Variants in NELL1 observed in about 807,000 individuals in gnomAD.
The protein encoded by NELL1 is neural EGFL like 1, also known as protein kinase C-binding protein NELL1.
In NELL1, 76 loss-of-function variants were observed where a neutral mutation model predicts 107.4. The ratio of observed to expected loss-of-function variants is 0.71; its 90% CI spans 0.59 to 0.86. NELL1 has a LOEUF of 0.86. NELL1 is among the 40% of genes least tolerant of loss of function. The pLI, the probability that NELL1 is intolerant of heterozygous loss-of-function variation, is 0.00. For missense variants in NELL1, 1,024 were observed against 1,005.5 expected, an observed-to-expected ratio of 1.02 and a Z score of -0.25; for synonymous variants, 353 against 341.2, an observed-to-expected ratio of 1.03 and a Z score of -0.38.
At chr11:21,132,710 G>A (rs1855650792) in intron 13 of NELL1, among the ~76,000 whole-genome samples, 1 of 151,944 alleles carries the variant, frequency 6.6e-6, no homozygotes, top group Non-Finnish European at 1.5e-5. Flanking sequence ...GGCTCGGGGA[G>A]CCCCTAAATC....
At chr11:20,941,446 G>A (rs1239495204) in intron 10 of NELL1, among the ~76,000 whole-genome samples, 1 of 152,208 alleles carries the variant, frequency 6.6e-6, no homozygotes, top group African/African-American at 2.4e-5. Context: ...GAAGTTCAGA[G>A]TTCCTTGCGT....
At chr11:21,327,972 A>G (rs1314432312) in intron 14 of NELL1, among the ~76,000 whole-genome samples, 1 of 152,156 alleles carries the variant, frequency 6.6e-6, no homozygotes, top group Non-Finnish European at 1.5e-5. Context: ...GAAGCAGAGC[A>G]TAAATGTTTG....
chr11:21,469,157 C>T (rs1291674812), intron 15 of NELL1, among the ~76,000 whole-genome samples: 1 of 151,962 alleles, frequency 6.6e-6, no homozygotes. Context: ...ATTTCAGGGG[C>T]CTGCCTACTT....
chr11:20,724,301 A>G (rs1855460297), intron 2 of NELL1, among the ~76,000 whole-genome samples: 1 of 152,202 alleles, frequency 6.6e-6, no homozygotes, highest in Non-Finnish European at 1.5e-5. Context: ...TTTCTACCAC[A>G]TGGTCAGGCT....
chr11:20,894,990 G>GTGTATATGTACCCTTTAACCA (rs1849694754), intron 5 of NELL1, among the ~76,000 whole-genome samples: 3 of 146,036 alleles, frequency 2.1e-5, no homozygotes, highest in Admixed American at 6.7e-5. Context: ...TATTCCCTCT[G>GTGTATATGTACCCTTTAACCA]GCCGGGCGCG....
At chr11:21,425,630 T>C (rs149956141) in intron 15 of NELL1, among the ~76,000 whole-genome samples, 263 of 152,252 alleles carry the variant, frequency 1.7e-3, no homozygotes, top group African/African-American at 5.6e-3. Flanking sequence ...AGGAAACCAA[T>C]TGTGCTATAG....
intron 13 of NELL1, among the ~76,000 whole-genome samples, chr11:21,214,502 C>T (rs1857570910): frequency 6.6e-6 from 1 of 152,098 alleles, no homozygotes; most frequent in Non-Finnish European, 1.5e-5. Flanking sequence ...TATTTCTATA[C>T]ACCCATCAGA....
chr11:20,700,519 A>C (rs541234874), intron 2 of NELL1, among the ~76,000 whole-genome samples: 2 of 151,522 alleles, frequency 1.3e-5, no homozygotes, highest in African/African-American at 4.8e-5. Context: ...TTTCAATAAA[A>C]TTTTTTTTAT....
intron 15 of NELL1, among the ~76,000 whole-genome samples, chr11:21,525,787 C>T (rs1855838125): frequency 6.6e-6 from 1 of 152,124 alleles, no homozygotes; most frequent in Non-Finnish European, 1.5e-5. Flanking sequence ...TAAAAACCAT[C>T]AGATCTCATG....
At chr11:20,704,290 GT>G (rs1854880263) in intron 2 of NELL1, among the ~76,000 whole-genome samples, 1 of 152,046 alleles carries the variant, frequency 6.6e-6, no homozygotes, top group Admixed American at 6.6e-5. Context: ...ATCTTTGTTG[GT>G]TTAAAGTCTG....
At chr11:20,809,795 T>C (rs1857460930) in intron 3 of NELL1, among the ~76,000 whole-genome samples, 1 of 152,236 alleles carries the variant, frequency 6.6e-6, no homozygotes, top group African/African-American at 2.4e-5. Flanking sequence ...ACTGATTCCA[T>C]ATCTTGGCTA....
chr11:21,563,791 A>G (rs1005232983), intron 17 of NELL1, among the ~76,000 whole-genome samples: 1 of 152,122 alleles, frequency 6.6e-6, no homozygotes, highest in Non-Finnish European at 1.5e-5. Flanking sequence ...GGGAAGATGC[A>G]GAAGTGAATA....
intron 15 of NELL1, among the ~76,000 whole-genome samples, chr11:21,461,059 G>T (rs1853889362): frequency 6.6e-6 from 1 of 152,252 alleles, no homozygotes; most frequent in African/African-American, 2.4e-5. Context: ...GGATGGATTT[G>T]TGTTTTAATT....
chr11:21,370,271 A>G (rs1390273106), intron 14 of NELL1, among the ~76,000 whole-genome samples: 1 of 152,042 alleles, frequency 6.6e-6, no homozygotes, highest in African/African-American at 2.4e-5. Flanking sequence ...TCATAAAGGA[A>G]TAGTTCAGGT....
intron 3 of NELL1, among the ~76,000 whole-genome samples, chr11:20,807,664 C>T (rs1333790078): frequency 6.6e-6 from 1 of 152,192 alleles, no homozygotes; most frequent in Non-Finnish European, 1.5e-5. Context: ...TGGGTGGGTC[C>T]AGAGATTCCA....
intron 13 of NELL1, among the ~76,000 whole-genome samples, chr11:21,170,653 GTA>G (rs200742332): frequency 1.4e-5 from 2 of 146,590 alleles, no homozygotes; most frequent in African/African-American, 5.2e-5. Context: ...TGTCTTTCCA[GTA>G]TATATATATA....
At chr11:20,679,935 C>T (rs1479524069) in intron 2 of NELL1, among the ~76,000 whole-genome samples, 1 of 152,120 alleles carries the variant, frequency 6.6e-6, no homozygotes, top group Non-Finnish European at 1.5e-5. Context: ...AAGTGTAGGT[C>T]CCCTGGGCTG....
intron 13 of NELL1, among the ~76,000 whole-genome samples, chr11:21,149,292 A>G (rs1030711042): frequency 6.6e-6 from 1 of 152,208 alleles, no homozygotes; most frequent in Non-Finnish European, 1.5e-5. Context: ...ATGGTGTATT[A>G]GTCTGGGCTC....
intron 13 of NELL1, among the ~76,000 whole-genome samples, chr11:21,187,183 G>T (rs1441356872): frequency 6.6e-6 from 1 of 151,770 alleles, no homozygotes; most frequent in African/African-American, 2.4e-5. Flanking sequence ...GGATCCTATT[G>T]GGGTTAGTCA....
Sources: gnomAD v4.1 joint callset for allele counts (sites outside exome capture counted in the v4.1 genomes callset) on GRCh38, gnomAD v4.1.1 for gene constraint, MANE v1.5 for transcripts, NCBI Gene and HGNC (gene_info 2026-07-23, HGNC 2026-07-21) for gene names.